Variants in OXA1L observed in about 807,000 individuals in gnomAD.
OXA1L encodes OXA1L mitochondrial inner membrane insertase.
In OXA1L, 42 loss-of-function variants were observed where a neutral mutation model predicts 52.2. That is an observed-to-expected ratio of 0.80 (90% CI 0.63 to 1.04). The LOEUF is 1.04. Ranked by LOEUF, OXA1L falls within the 50% of genes least tolerant of loss-of-function variation. OXA1L has a pLI of 0.00. For synonymous variants in OXA1L, 239 were observed against 201.9 expected (o/e 1.18, Z -1.56); for missense variants, 572 against 555.0 (o/e 1.03, Z -0.31).
intron 4 of OXA1L, 37 bp from the exon 5 acceptor site, chr14:22,770,156 C>G (rs368767236): frequency 1.2e-4 from 177 of 1,477,306 alleles, no homozygotes; most frequent in Non-Finnish European, 1.6e-4. Context: ...ACTGATGTAA[C>G]TGTTACCCCA....
chr14:22,769,878 TC>T lies in OXA1L; in HGVS notation c.529del (p.Gln177ArgfsTer12), dbSNP rs1479503866. 37 of 1,613,968 alleles carry T rather than the reference TC, an allele frequency of 2.3e-5. No individual in the cohort carries two copies. The highest frequency in any genetic ancestry group is 3.1e-5 in the Non-Finnish European group (36 of 1,180,032). On this transcript the variant is annotated frameshift_variant, in exon 4 of 10. Coordinates refer to ENST00000612549, the MANE Select transcript of OXA1L (RefSeq NM_005015.5). LOFTEE classifies it high-confidence loss of function. ...AARIHNHLPE[I>X]QKFSSRIREA... is the part of the protein sequence containing the mutation. ...AGGATCCACAATCACTTGCCAGAGA[TC>T]CAGAAGTTTTCCAGTCGAATCAGAG...
chr14:22,770,397 T>C (rs530383001), intron 5 of OXA1L, 64 bp from the exon 6 acceptor site: 1 of 1,580,442 alleles, frequency 6.3e-7, no homozygotes, highest in East Asian at 2.2e-5. Context: ...TGGCTTTCAG[T>C]AGTGGGGTGA....
At chr14:22,768,795 G>A (rs59723928) in intron 3 of OXA1L, 1,610 of 153,050 alleles carry the variant, frequency 0.011, 31 homozygotes, top group African/African-American at 0.036. Flanking sequence ...ATATTTATGG[G>A]CTACATGAGA....
At chr14:22,769,734 A>G (rs77078684) in intron 3 of OXA1L, 57 bp from the exon 4 acceptor site, 32,813 of 1,598,320 alleles carry the variant, frequency 0.021, 564 homozygotes, top group Middle Eastern at 0.067. Flanking sequence ...AAAGCCTTCA[A>G]CCTTCTAGCT....
chr14:22,770,165 C>G (rs761040335), intron 4 of OXA1L, 28 bp from the exon 5 acceptor site: 2 of 1,529,216 alleles, frequency 1.3e-6, no homozygotes, highest in Non-Finnish European at 1.8e-6. Flanking sequence ...ACTGTTACCC[C>G]AACCATTAAT....
At chr14:22,767,718 TAAAAG>T (rs1200613124) in intron 2 of OXA1L, 9 of 499,526 alleles carry the variant, frequency 1.8e-5, no homozygotes, top group Non-Finnish European at 2.1e-5. Flanking sequence ...AAAACAGTGA[TAAAAG>T]AAATAACTTC....
At position 22,772,986 on chromosome 14, in the gene OXA1L, T is replaced by G; in HGVS notation, c.*1428T>G. ...GCCTTGGCTACAGAGCAAGATCCTG[T>G]CTCAAAAAGGAAGTTCATGTCATTT... On this transcript the variant is annotated 3_prime_UTR_variant, in exon 10 of 10. Coordinates refer to ENST00000612549, the MANE Select transcript of OXA1L (RefSeq NM_005015.5). 1 of 262,938 alleles carries G rather than the reference T, an allele frequency of 3.8e-6. No individual in the cohort carries two copies. Among genetic ancestry groups the G allele is most frequent in the East Asian group, 1.0e-4 (1 of 9,926 alleles). 16.3% of individuals were successfully genotyped at this position (262,938 alleles called of 1,614,324 possible).
Position 22,767,120 on chromosome 14 carries a change from G to A in OXA1L, c.64-128G>A, listed in dbSNP as rs1342224390. 4.6e-6 allele frequency: 7 copies of A among 1,535,428 alleles called. No homozygotes were observed. In the South Asian group the frequency reaches 7.1e-5, roughly 16 times the overall value. On this transcript the variant is annotated intron_variant, in intron 1 of 9. Coordinates refer to ENST00000612549, the MANE Select transcript of OXA1L (RefSeq NM_005015.5). ...GGCTAGCGGTCTGCGCGCGGTGATAGCAATGTCCTCCCCTGTAGTGGCCGA... is the reference window on the plus strand; with the variant it reads ...GGCTAGCGGTCTGCGCGCGGTGATAACAATGTCCTCCCCTGTAGTGGCCGA...
chr14:22,771,405 T>C (rs757947064), intron 9 of OXA1L, 29 bp from the exon 10 acceptor site: 33 of 1,613,886 alleles, frequency 2.0e-5, no homozygotes, highest in Non-Finnish European at 2.5e-5. Context: ...CTGTTCTTCG[T>C]TGAAATTTGT....
chr14:22,771,753 C>T lies in OXA1L; in HGVS notation c.*195C>T. Reference sequence around the variant, plus strand: ...GCACTGGGTAGCCAAGTGATCTTCCCATTCACAGAGTTAGTAAACCTCTGT... The same window carrying T: ...GCACTGGGTAGCCAAGTGATCTTCCTATTCACAGAGTTAGTAAACCTCTGT... On this transcript the variant is annotated 3_prime_UTR_variant, in exon 10 of 10. Coordinates refer to ENST00000612549, the MANE Select transcript of OXA1L (RefSeq NM_005015.5). 1.6e-6 allele frequency: 1 copy of T among 617,734 alleles called. No individual in the cohort carries two copies. Among genetic ancestry groups the T allele is most frequent in the South Asian group, 1.9e-5 (1 of 51,502 alleles). The allele number at this position is 617,734 out of a possible 1,614,324, so 38.3% of individuals were successfully genotyped here.
At chr14:22,770,733 G>T in intron 6 of OXA1L, 72 bp from the exon 7 acceptor site, 1 of 1,542,528 alleles carries the variant, frequency 6.5e-7, no homozygotes, top group Non-Finnish European at 8.9e-7. Context: ...AGAGTTGATG[G>T]GTAAGAGATT....
intron 4 of OXA1L, 112 bp from the exon 5 acceptor site, chr14:22,770,081 C>A: frequency 1.5e-6 from 2 of 1,345,984 alleles, no homozygotes; most frequent in South Asian, 1.2e-5. Context: ...CTAATGCTCC[C>A]AAGGAGTGGC....
chr14:22,767,719 A>G, intron 2 of OXA1L: 1 of 501,074 alleles, frequency 2.0e-6, no homozygotes, highest in East Asian at 3.1e-5. Flanking sequence ...AAACAGTGAT[A>G]AAAGAAATAA....
At chr14:22,767,556 G>T in intron 2 of OXA1L, 147 bp downstream of exon 2, 1 of 646,050 alleles carries the variant, frequency 1.5e-6, no homozygotes, top group Non-Finnish European at 2.6e-6. Flanking sequence ...TCTCTGCTTA[G>T]GATGGATTTT....
At position 22,768,168 on chromosome 14, in the gene OXA1L, G is replaced by T. The variant is rs771819633; in HGVS notation, c.436G>T (p.Ala146Ser). Residue 146 changes from alanine to serine, a missense_variant, in exon 3 of 10, where the codon GCA (alanine) becomes TCA (serine). Around this residue, in one of 5 missense-constraint regions of OXA1L, gnomAD observed 132 missense variants for 124.0 expected, o/e 1.06. Transcript: ENST00000612549. The part of the protein sequence containing the change: ...LGLPWWGAIA[A>S]CTVFARCLIF... ...CCTACCTTGGTGGGGGGCCATTGCT[G>T]CATGTAAGGGGAATATACCCTGGAC... 1.9e-6 allele frequency: 3 copies of T among 1,611,758 alleles called. No homozygotes were observed. The South Asian group carries it at 3.3e-5, about 18-fold the overall frequency.
Position 22,768,241 on chromosome 14 carries a change from CAGGAAGT to C in OXA1L, c.439+73_439+79del, listed in dbSNP as rs143175411. 2.3e-3 allele frequency: 2,870 copies of C among 1,258,598 alleles called. 55 individuals are homozygous for C. In the African/African-American group the frequency reaches 0.036, roughly 16 times the overall value. The allele number at this position is 1,258,598 out of a possible 1,614,324, so 78.0% of individuals were successfully genotyped here. ...TAGATGGCAATTCTTTGAATGGATT[CAGGAAGT>C]AGTTGCAGAAGCTCTGGGGTCAGAA... On this transcript the variant is annotated intron_variant, in intron 3 of 9. Transcript: ENST00000612549.
chr14:22,766,728 C>T lies in OXA1L; in HGVS notation c.27C>T (p.Arg9=). MAMGLMCG[R]RELLRLLQSG... Reference sequence around the variant, plus strand: ...TGGCGATGGGACTAATGTGCGGACGCCGGGAGCTTCTGCGCTTGCTACAGT... The same window carrying T: ...TGGCGATGGGACTAATGTGCGGACGTCGGGAGCTTCTGCGCTTGCTACAGT... Residue 9 remains arginine (R), a synonymous_variant, in exon 1 of 10, where the codon CGC becomes CGT. Coordinates refer to ENST00000612549, the MANE Select transcript of OXA1L (RefSeq NM_005015.5). 6.2e-7 allele frequency: 1 copy of T among 1,614,284 alleles called. No homozygotes were observed. Among genetic ancestry groups the T allele is most frequent in the Non-Finnish European group, 8.5e-7 (1 of 1,180,056 alleles).
rs1212178099 is a variant in OXA1L, at chr14:22,772,307, A to AC, written c.*753dup. Reference sequence around the variant, plus strand: ...AGACCATCCTGGCCAACATGGTGAAACCCCGTCTCTACTAAAAAAAAAAAA... The same window carrying AC: ...AGACCATCCTGGCCAACATGGTGAAACCCCCGTCTCTACTAAAAAAAAAAAA... On this transcript the variant is annotated 3_prime_UTR_variant, in exon 10 of 10. Transcript: ENST00000612549. The AC allele has an allele frequency of 8.5e-5, 12 of 141,116 alleles. No individual in the cohort carries two copies. The Admixed American group carries it at 8.9e-4, about 11-fold the overall frequency. The allele number at this position is 141,116 out of a possible 1,614,324, so 8.7% of individuals were successfully genotyped here.
Position 22,772,842 on chromosome 14 carries a change from TAGCTG to T in OXA1L, c.*1288_*1292del, listed in dbSNP as rs1206431880. On this transcript the variant is annotated 3_prime_UTR_variant, in exon 10 of 10. Coordinates refer to ENST00000612549, the MANE Select transcript of OXA1L (RefSeq NM_005015.5). Reference sequence around the variant, plus strand: ...CGAGACCTTGTCTCTGCTAAAAAGTTAGCTGAGCATGGTGGTGCTTGTCCATAGTC... The same window carrying T: ...CGAGACCTTGTCTCTGCTAAAAAGTTAGCATGGTGGTGCTTGTCCATAGTC... 1.2e-5 allele frequency: 2 copies of T among 161,380 alleles called. No homozygotes were observed. Among genetic ancestry groups the T allele is most frequent in the South Asian group, 1.7e-4 (1 of 5,788 alleles). 10.0% of individuals were successfully genotyped at this position (161,380 alleles called of 1,614,324 possible).
Sources: gnomAD v4.1 joint callset for allele counts on GRCh38, gnomAD v4.1.1 for gene constraint, gnomAD v4.1.1 regional missense constraint, MANE v1.5 for transcripts, NCBI Gene and HGNC (gene_info 2026-07-23, HGNC 2026-07-21) for gene names.